Variants in PDIA4 observed in about 807,000 individuals in gnomAD.
The protein encoded by PDIA4 is protein disulfide isomerase family A member 4.
A neutral mutation model predicts 62.1 loss-of-function variants in PDIA4; 33 were observed. The ratio of observed to expected loss-of-function variants is 0.53; its 90% CI spans 0.40 to 0.71. The LOEUF (loss-of-function observed/expected upper bound fraction) is 0.71. Ranked by LOEUF, PDIA4 falls within the 30% of genes least tolerant of loss-of-function variation. The pLI, the probability that PDIA4 is intolerant of heterozygous loss-of-function variation, is 0.00. For missense variants in PDIA4, 804 were observed against 813.6 expected (o/e 0.99, Z 0.14); for synonymous variants, 341 against 324.1 (o/e 1.05, Z -0.56).
intron 5 of PDIA4, 73 bp from the exon 6 acceptor site, chr7:149,012,077 C>G (rs1212943289): frequency 4.4e-6 from 7 of 1,607,628 alleles, no homozygotes; most frequent in Non-Finnish European, 6.0e-6. Flanking sequence ...CCTGCCAGCC[C>G]CCAGCACCTT....
intron 6 of PDIA4, among the ~76,000 whole-genome samples, chr7:149,010,911 G>A (rs922110077): frequency 6.6e-6 from 1 of 152,190 alleles, no homozygotes; most frequent in Non-Finnish European, 1.5e-5. Context: ...TCAGACTTGG[G>A]GCTACGGAAT....
intron 7 of PDIA4, among the ~76,000 whole-genome samples, chr7:149,006,768 G>A (rs1464145705): frequency 6.6e-6 from 1 of 152,196 alleles, no homozygotes; most frequent in African/African-American, 2.4e-5. Context: ...GGCCTGGGAG[G>A]CCATGCTAAG....
intron 1 of PDIA4, among the ~76,000 whole-genome samples, chr7:149,026,506 C>T (rs1359211111): frequency 6.6e-6 from 1 of 152,136 alleles, no homozygotes; most frequent in Non-Finnish European, 1.5e-5. Flanking sequence ...AAAAAATTAG[C>T]TGGGTGTGGT....
At chr7:149,008,686 G>A (rs1220043292) in intron 6 of PDIA4, among the ~76,000 whole-genome samples, 2 of 151,700 alleles carry the variant, frequency 1.3e-5, no homozygotes, top group Admixed American at 6.6e-5. Context: ...CTTTCAGCCT[G>A]GGCGACAGAG....
At chr7:149,015,230 C>A (rs1034030815) in intron 3 of PDIA4, among the ~76,000 whole-genome samples, 188 bp from the exon 4 acceptor site, 1 of 152,086 alleles carries the variant, frequency 6.6e-6, no homozygotes, top group Non-Finnish European at 1.5e-5. Context: ...TCAGAAGGTT[C>A]GCTATTTCCC....
intron 4 of PDIA4, among the ~76,000 whole-genome samples, chr7:149,013,967 G>C (rs1038040384): frequency 6.6e-6 from 1 of 152,054 alleles, no homozygotes; most frequent in African/African-American, 2.4e-5. Context: ...GCGAAACAAG[G>C]GTCTGTGTCT....
chr7:149,027,949 G>T, intron 1 of PDIA4: 1 of 501,774 alleles, frequency 2.0e-6, no homozygotes, highest in Non-Finnish European at 4.0e-6. Context: ...CCTTCCCACT[G>T]CCTGGGCGCG....
chr7:149,004,715 C>T (rs1823679264), intron 9 of PDIA4, among the ~76,000 whole-genome samples: 5 of 152,220 alleles, frequency 3.3e-5, no homozygotes, highest in Admixed American at 3.3e-4. Context: ...TCAGCACACC[C>T]AGACTTTGCC....
chr7:149,010,029 G>A (rs1364790269), intron 6 of PDIA4, among the ~76,000 whole-genome samples: 1 of 152,152 alleles, frequency 6.6e-6, no homozygotes, highest in African/African-American at 2.4e-5. Flanking sequence ...CATGTTTTTG[G>A]GAGGGCAGGG....
At position 149,011,956 on chromosome 7, in the gene PDIA4, A is replaced by T; in HGVS notation, c.869T>A (p.Ile290Asn). 4.3e-6 allele frequency: 7 copies of T among 1,609,540 alleles called. No individual in the cohort carries two copies. The highest frequency in any genetic ancestry group is 5.9e-6 in the Non-Finnish European group (7 of 1,177,486). Residue 290 changes from isoleucine (I) to asparagine (N), a missense_variant, in exon 6 of 10, where the codon ATT becomes AAT. Coordinates refer to ENST00000652332, the MANE Select transcript of PDIA4 (RefSeq NM_004911.5). Reference sequence around the variant, plus strand: ...CTCCTGGACCTGCTTCAGGGTCAGAATCTCCTTGGAGGGAGGCCCGGACTG... The same window carrying T: ...CTCCTGGACCTGCTTCAGGGTCAGATTCTCCTTGGAGGGAGGCCCGGACTG... ...IEQSGPPSKEILTLKQVQEFL... is the reference protein window; with the variant it reads ...IEQSGPPSKENLTLKQVQEFL...
chr7:149,013,718 CCA>C (rs1824029850), intron 4 of PDIA4, among the ~76,000 whole-genome samples: 2 of 152,068 alleles, frequency 1.3e-5, no homozygotes, highest in African/African-American at 4.8e-5. Context: ...CAACCTCCCA[CCA>C]CACACACAAA....
rs369395544 is a variant in PDIA4, at chr7:149,003,751, G to A, written c.*43C>T. On this transcript the variant is annotated 3_prime_UTR_variant, in exon 10 of 10. Coordinates refer to ENST00000652332, the MANE Select transcript of PDIA4 (RefSeq NM_004911.5). ...CGTGGACGCCCCGACCATGGGCCAC[G>A]CAGGGCGTCTGCCTCCTCCCACCTT... 3.0e-5 allele frequency: 43 copies of A among 1,419,370 alleles called. No individual in the cohort carries two copies. The highest frequency in any genetic ancestry group is 1.6e-4 in the African/African-American group (11 of 68,010). The allele number at this position is 1,419,370 out of a possible 1,614,324, so 87.9% of individuals were successfully genotyped here.
At chr7:149,010,634 C>G (rs890810699) in intron 6 of PDIA4, among the ~76,000 whole-genome samples, 1 of 152,190 alleles carries the variant, frequency 6.6e-6, no homozygotes, top group African/African-American at 2.4e-5. Flanking sequence ...CCCAGGACCA[C>G]AGACCCTTTC....
In PDIA4 at chr7:149,012,309, C is replaced by A. The variant is rs767932370; in HGVS notation, c.666G>T (p.Glu222Asp). The change falls in exon 5 of 10, where the codon GAG becomes GAT. Residue 222 changes from glutamate to aspartate, a missense_variant. Coordinates refer to ENST00000652332, the MANE Select transcript of PDIA4 (RefSeq NM_004911.5). ...GAATTGGAGGAGAACGCTTGCTGAG[C>A]TCCTTGGCGGCCTTCTCATACTCGG... is the stretch of plus-strand genomic sequence containing the variant. ...LAPEYEKAAKELSKRSPPIPL... is the reference protein window; with the variant it reads ...LAPEYEKAAKDLSKRSPPIPL... The A allele has an allele frequency of 6.2e-7, 1 of 1,614,008 alleles. No homozygotes were observed. Among genetic ancestry groups the A allele is most frequent in the South Asian group, 1.1e-5 (1 of 91,060 alleles).
intron 1 of PDIA4, among the ~76,000 whole-genome samples, chr7:149,022,610 G>A (rs1009125483): frequency 6.6e-6 from 1 of 152,108 alleles, no homozygotes; most frequent in African/African-American, 2.4e-5. Context: ...GCTAGTTACT[G>A]TTTTGGGCTG....
At chr7:149,005,862 C>G (rs760761083) in intron 8 of PDIA4, 35 bp downstream of exon 8, 1 of 1,455,612 alleles carries the variant, frequency 6.9e-7, no homozygotes, top group East Asian at 2.7e-5. Flanking sequence ...TCCCCCCACC[C>G]CCCACCCCCG....
intron 9 of PDIA4, 136 bp from the exon 10 acceptor site, chr7:149,004,345 A>G: frequency 1.3e-6 from 1 of 777,402 alleles, no homozygotes; most frequent in Non-Finnish European, 2.1e-6. Context: ...CCACTACTGT[A>G]GAAAGTAGTA....
At chr7:149,018,106 G>A (rs1416687515) in intron 3 of PDIA4, among the ~76,000 whole-genome samples, 2 of 152,068 alleles carry the variant, frequency 1.3e-5, no homozygotes, top group East Asian at 1.9e-4. Context: ...GCAGGCGCCT[G>A]TAGTCCCAGC....
At position 149,003,478 on chromosome 7, in the gene PDIA4, A is replaced by G. The variant is rs1823613349; in HGVS notation, c.*316T>C. The stretch of plus-strand genomic sequence containing the variant: ...AGGAATTTTAAACCTTAAATTAAAA[A>G]AAGAAAACATTTTCACACAGAAGAA... On this transcript the variant is annotated 3_prime_UTR_variant, in exon 10 of 10. Coordinates refer to ENST00000652332, the MANE Select transcript of PDIA4 (RefSeq NM_004911.5). 1 of 239,926 alleles carries G rather than the reference A, an allele frequency of 4.2e-6. No individual in the cohort carries two copies. Among genetic ancestry groups the G allele is most frequent in the African/African-American group, 2.2e-5 (1 of 44,902 alleles). 14.9% of individuals were successfully genotyped at this position (239,926 alleles called of 1,614,324 possible).
Sources: gnomAD v4.1 joint callset for allele counts (sites outside exome capture counted in the v4.1 genomes callset) on GRCh38, gnomAD v4.1.1 for gene constraint, MANE v1.5 for transcripts, NCBI Gene and HGNC (gene_info 2026-07-23, HGNC 2026-07-21) for gene names.